CNTN4: variants seen among roughly 807,000 people sequenced by gnomAD.
The protein encoded by CNTN4 is contactin 4.
A neutral mutation model predicts 122.5 loss-of-function variants in CNTN4; 77 were observed. That is an observed-to-expected ratio of 0.63 (90% CI 0.52 to 0.76). The LOEUF (loss-of-function observed/expected upper bound fraction) is 0.76, where lower values mean the gene tolerates loss of function less well. Among genes scored for constraint, CNTN4 ranks in the 30% least tolerant of loss-of-function variants. CNTN4 has a pLI of 0.00. For missense variants in CNTN4, 1,256 were observed against 1,259.1 expected (o/e 1.00, Z 0.04); for synonymous variants, 512 against 447.0 (o/e 1.15, Z -1.83).
intron 4 of CNTN4, among the ~76,000 whole-genome samples, chr3:2,678,312 T>A (rs973807345): frequency 1.3e-5 from 2 of 152,154 alleles, no homozygotes; most frequent in African/African-American, 4.8e-5. Flanking sequence ...CGTAAAAAAA[T>A]TTTTTTGATC....
chr3:2,706,473 C>T (rs1419055695), intron 4 of CNTN4, among the ~76,000 whole-genome samples: 1 of 152,164 alleles, frequency 6.6e-6, no homozygotes, highest in East Asian at 1.9e-4. Context: ...ACTCTGAAGT[C>T]ACATTTGCAA....
rs139603744 is a variant in CNTN4 at position 2,773,401 on chromosome 3, T to C, written c.358+27704T>C. On this transcript the variant is annotated intron_variant, in intron 6 of 24. Coordinates refer to ENST00000418658, the MANE Select transcript of CNTN4 (RefSeq NM_175607.3). ...TTTTATTCAATGATATATTAACTTA[T>C]TTAAGTTTTGTTTTACATTTTGCTC... Among the ~76,000 whole-genome samples, 37 of 152,320 alleles carry C rather than the reference T, an allele frequency of 2.4e-4. No individual in the cohort carries two copies. The East Asian group carries it at 3.3e-3, about 14-fold the overall frequency.
intron 2 of CNTN4, among the ~76,000 whole-genome samples, chr3:2,107,729 A>T (rs1406725038): frequency 6.6e-6 from 1 of 152,130 alleles, no homozygotes; most frequent in African/African-American, 2.4e-5. Context: ...ATACTGATTT[A>T]TTAGACCAAG....
intron 2 of CNTN4, among the ~76,000 whole-genome samples, chr3:2,285,315 T>C (rs1437400766): frequency 1.3e-5 from 2 of 152,102 alleles, no homozygotes; most frequent in Non-Finnish European, 2.9e-5. Flanking sequence ...TTAACCAAAA[T>C]AGTTTATCTG....
At chr3:2,206,639 C>T (rs949926968) in intron 2 of CNTN4, among the ~76,000 whole-genome samples, 19 of 152,020 alleles carry the variant, frequency 1.2e-4, no homozygotes, top group African/African-American at 4.6e-4. Flanking sequence ...AATTATGGCC[C>T]CTATACAAGT....
chr3:2,759,720 A>C (rs1215559982), intron 6 of CNTN4, among the ~76,000 whole-genome samples: 1 of 151,882 alleles, frequency 6.6e-6, no homozygotes, highest in African/African-American at 2.4e-5. Flanking sequence ...TCTCAAAAAA[A>C]AAAAAAGTAT....
At chr3:2,507,744 AAAAAAAGAAAGAAAG>A (rs973839813) in intron 3 of CNTN4, among the ~76,000 whole-genome samples, 2 of 150,852 alleles carry the variant, frequency 1.3e-5, no homozygotes, top group African/African-American at 4.9e-5. Flanking sequence ...CAAAAAAAAA[AAAAAAAGAAAGAAAG>A]AAAAAAGAAA....
intron 3 of CNTN4, among the ~76,000 whole-genome samples, chr3:2,557,946 A>G (rs1224766477): frequency 6.6e-6 from 1 of 152,096 alleles, no homozygotes; most frequent in Non-Finnish European, 1.5e-5. Context: ...AACTTTTATG[A>G]TCCTTGAACT....
At position 2,247,683 on chromosome 3, in the gene CNTN4, T is replaced by C. The variant is rs373944147; in HGVS notation, c.-144-91495T>C. Among the ~76,000 whole-genome samples the C allele has an allele frequency of 5.3e-5, 8 of 152,136 alleles. No homozygotes were observed. In the East Asian group the frequency reaches 1.2e-3, roughly 22 times the overall value. ...GGGCAAATGATTATAAGTTGACTTA[T>C]ACATATTATTTGAGCGACAGCAGTT... is the stretch of plus-strand genomic sequence containing the variant. On this transcript the variant is annotated intron_variant, in intron 2 of 24. Transcript: ENST00000418658.
chr3:2,414,204 A>G (rs115649735), intron 3 of CNTN4, among the ~76,000 whole-genome samples: 1,531 of 152,356 alleles, frequency 0.01, 34 homozygotes, highest in African/African-American at 0.035. Context: ...TTCATAGACC[A>G]GTGATGATAC....
chr3:2,864,232 A>T (rs1202554105), intron 7 of CNTN4, among the ~76,000 whole-genome samples: 1 of 152,152 alleles, frequency 6.6e-6, no homozygotes, highest in African/African-American at 2.4e-5. Flanking sequence ...GCTGAACATG[A>T]AGTTTAAATG....
At chr3:2,452,847 T>C (rs984659951) in intron 3 of CNTN4, among the ~76,000 whole-genome samples, 1 of 152,100 alleles carries the variant, frequency 6.6e-6, no homozygotes, top group African/African-American at 2.4e-5. Flanking sequence ...AAGCCCAGCT[T>C]GTTAAAGAGT....
chr3:2,202,508 C>G (rs780600954), intron 2 of CNTN4, among the ~76,000 whole-genome samples: 2 of 152,020 alleles, frequency 1.3e-5, no homozygotes, highest in Non-Finnish European at 2.9e-5. Flanking sequence ...CTATTAGAAC[C>G]CTACTCAAGA....
At position 2,101,183 on chromosome 3, in the gene CNTN4, A is replaced by G. The variant is rs183151086; in HGVS notation, c.-145+544A>G. 7.1e-4 allele frequency among the ~76,000 whole-genome samples: 108 copies of G among 152,326 alleles called. 1 individual carries two copies. The highest frequency in any genetic ancestry group is 2.5e-3 in the African/African-American group (103 of 41,576). On this transcript the variant is annotated intron_variant, in intron 2 of 24. Coordinates refer to ENST00000418658, the MANE Select transcript of CNTN4 (RefSeq NM_175607.3). ...TTTTTATCATTCACTTATTTTACCT[A>G]CTTCTCTCTCCTTTTTGTTCAAAAG...
chr3:2,391,142 G>A (rs2046427973), intron 3 of CNTN4, among the ~76,000 whole-genome samples: 1 of 152,114 alleles, frequency 6.6e-6, no homozygotes, highest in Non-Finnish European at 1.5e-5. Context: ...ATGATAAAAT[G>A]GCCAGAATCC....
intron 2 of CNTN4, among the ~76,000 whole-genome samples, chr3:2,279,077 C>A (rs2041622464): frequency 6.6e-6 from 1 of 151,824 alleles, no homozygotes; most frequent in African/African-American, 2.4e-5. Flanking sequence ...TAATACCTGG[C>A]CTAAGTGGCT....
intron 3 of CNTN4, among the ~76,000 whole-genome samples, chr3:2,516,134 A>C (rs2077033290): frequency 6.6e-6 from 1 of 152,038 alleles, no homozygotes; most frequent in Non-Finnish European, 1.5e-5. Context: ...GAGTTTGAAT[A>C]TTAATGTTAT....
At chr3:2,577,037 T>G (rs2079721835) in intron 4 of CNTN4, among the ~76,000 whole-genome samples, 1 of 152,212 alleles carries the variant, frequency 6.6e-6, no homozygotes, top group Non-Finnish European at 1.5e-5. Context: ...TCCTGTCCTT[T>G]GGGAAGTCAA....
intron 2 of CNTN4, among the ~76,000 whole-genome samples, chr3:2,175,473 T>C (rs1032685456): frequency 1.3e-5 from 2 of 152,222 alleles, no homozygotes; most frequent in African/African-American, 4.8e-5. Flanking sequence ...TAACACTGTT[T>C]ATATTTGTGT....
Sources: gnomAD v4.1 joint callset for allele counts (sites outside exome capture counted in the v4.1 genomes callset) on GRCh38, gnomAD v4.1.1 for gene constraint, MANE v1.5 for transcripts, NCBI Gene and HGNC (gene_info 2026-07-23, HGNC 2026-07-21) for gene names.